RGS3: variants seen among roughly 807,000 people sequenced by gnomAD.
RGS3 encodes regulator of G protein signaling 3, also known as regulator of G-protein signalling 3.
In RGS3, 80 loss-of-function variants were observed where a neutral mutation model predicts 132.6. The ratio of observed to expected loss-of-function variants is 0.60; its 90% CI spans 0.50 to 0.73. RGS3 has a LOEUF of 0.73. RGS3 is among the 30% of genes least tolerant of loss of function. The probability of loss-of-function intolerance (pLI) is 0.00; values close to 1 mark genes in which losing one functional copy is unlikely to be tolerated. For synonymous variants in RGS3, 598 were observed against 620.6 expected (o/e 0.96, Z 0.54); for missense variants, 1,382 against 1,530.8 (o/e 0.90, Z 1.62).
Position 113,507,362 on chromosome 9 carries a change from CCTG to C in RGS3, c.1163_1165del (p.Leu388del). 1 of 1,613,974 alleles carries C rather than the reference CCTG, an allele frequency of 6.2e-7. No homozygotes were observed. The highest frequency in any genetic ancestry group is 1.1e-5 in the South Asian group (1 of 91,076). On this transcript the variant is annotated inframe_deletion, in exon 13 of 25. Transcript: ENST00000350696. This position sits in a 1 kb window ranked among gnomAD's most constrained non-coding sequence, Gnocchi z 5.0. ...TCAAGCCAGGACCAGATGGCGGGGTCCTGCGGCGGGCCTCCTGCAAGTCGACAC... is the reference window on the plus strand; with the variant it reads ...TCAAGCCAGGACCAGATGGCGGGGTCCGGCGGGCCTCCTGCAAGTCGACAC...
chr9:113,506,375 T>A lies in RGS3; in HGVS notation c.980-13T>A. 6.4e-7 allele frequency: 1 copy of A among 1,567,624 alleles called. No homozygotes were observed. The highest frequency in any genetic ancestry group is 8.7e-7 in the Non-Finnish European group (1 of 1,154,302). ...TTCAGGGGCCCCTGAATGGCTTTTC[T>A]TTGTCCCTGCAGGGGGTCCGGCGGA... On this transcript the variant is annotated splice_polypyrimidine_tract_variant and intron_variant, in intron 11 of 24. Transcript: ENST00000350696. This position sits in a 1 kb window ranked among gnomAD's most constrained non-coding sequence, Gnocchi z 4.7.
In RGS3 at chr9:113,481,817, C is replaced by T. The variant is rs370587236; in HGVS notation, c.467-1242C>T. Reference sequence around the variant, plus strand: ...ATCCCAGCACTTTGGGAGGCTGAGGCGGGCCAATCACCTGAGGTCGGGAGT... The same window carrying T: ...ATCCCAGCACTTTGGGAGGCTGAGGTGGGCCAATCACCTGAGGTCGGGAGT... On this transcript the variant is annotated intron_variant, in intron 4 of 24. Transcript: ENST00000350696. Among the ~76,000 whole-genome samples the T allele has an allele frequency of 1.1e-4, 17 of 152,258 alleles. No homozygotes were observed. In the East Asian group the frequency reaches 1.4e-3, roughly 12 times the overall value.
rs558745280 is a variant in RGS3, at chr9:113,501,688, G to A, written c.897+3608G>A. 2.4e-4 allele frequency: 358 copies of A among 1,486,810 alleles called. 6 individuals are homozygous for A. In the South Asian group the frequency reaches 4.0e-3, roughly 17 times the overall value. The allele number at this position is 1,486,810 out of a possible 1,614,324, so 92.1% of individuals were successfully genotyped here. A position where few individuals can be genotyped will look rare whatever the true frequency, so the allele number is the denominator to read the frequency against. On this transcript the variant is annotated intron_variant, in intron 10 of 24. Transcript: ENST00000350696. ...GGGTGTTCAGGGATAGGGGTAGAGGGACCATCTGAGAAGGATCTCGCTCCT... is the reference window on the plus strand; with the variant it reads ...GGGTGTTCAGGGATAGGGGTAGAGGAACCATCTGAGAAGGATCTCGCTCCT...
chr9:113,509,271 C>T (rs527946964), intron 14 of RGS3, among the ~76,000 whole-genome samples: 17 of 150,594 alleles, frequency 1.1e-4, no homozygotes, highest in Admixed American at 5.9e-4. Flanking sequence ...GGTGACAGAG[C>T]GAGACTCTGT....
Position 113,583,431 on chromosome 9 carries a change from T to C in RGS3, c.2038-19T>C. 6.2e-7 allele frequency: 1 copy of C among 1,613,498 alleles called. No individual in the cohort carries two copies. The highest frequency in any genetic ancestry group is 2.2e-5 in the East Asian group (1 of 44,880). On this transcript the variant is annotated intron_variant, in intron 19 of 24. Transcript: ENST00000350696. ...AGCCTCCTCTTCTGAACTGTTCTTG[T>C]TTTCTTTTTGTTTCCCAGATGTTTG...
At chr9:113,569,478 T>G (rs1244826273) in intron 19 of RGS3, among the ~76,000 whole-genome samples, 1 of 152,130 alleles carries the variant, frequency 6.6e-6, no homozygotes, top group East Asian at 1.9e-4. Context: ...CCATGAAATC[T>G]TCACTTCTCA....
chr9:113,591,287 A>G lies in RGS3; in HGVS notation c.3016-46A>G. On this transcript the variant is annotated intron_variant, in intron 20 of 24. Transcript: ENST00000350696. This position sits in a 1 kb window ranked among gnomAD's most constrained non-coding sequence, Gnocchi z 4.4. ...CTGAGCCTCTGTTTACTTAGGCAGGAGTTCCTGGGTGCCCAGACTGCATCG... is the reference window on the plus strand; with the variant it reads ...CTGAGCCTCTGTTTACTTAGGCAGGGGTTCCTGGGTGCCCAGACTGCATCG... 6.4e-7 allele frequency: 1 copy of G among 1,559,306 alleles called. No individual in the cohort carries two copies. The highest frequency in any genetic ancestry group is 8.8e-7 in the Non-Finnish European group (1 of 1,132,162).
At chr9:113,569,919 G>A (rs544567487) in intron 19 of RGS3, among the ~76,000 whole-genome samples, 1 of 152,006 alleles carries the variant, frequency 6.6e-6, no homozygotes, top group East Asian at 1.9e-4. Context: ...TTGAAGAGCA[G>A]GTCTCCATCC....
exon 20 of RGS3, chr9:113,584,342 C>G: frequency 2.5e-6 from 4 of 1,590,274 alleles, no homozygotes; most frequent in Non-Finnish European, 3.4e-6. Context: ...TGGGGCATGC[C>G]TTCGCCCAGC....
At chr9:113,550,478 A>G (rs1833295878) in intron 19 of RGS3, among the ~76,000 whole-genome samples, 1 of 152,212 alleles carries the variant, frequency 6.6e-6, no homozygotes, top group Admixed American at 6.5e-5. Flanking sequence ...TGGATTATTG[A>G]TCCTATTGCC....
At chr9:113,490,013 A>G (rs1830458739) in intron 7 of RGS3, among the ~76,000 whole-genome samples, 1 of 152,180 alleles carries the variant, frequency 6.6e-6, no homozygotes, top group Admixed American at 6.6e-5. Flanking sequence ...AGATGATTTC[A>G]GTTCATCATG....
chr9:113,512,552 G>A (rs1831453930), intron 14 of RGS3, among the ~76,000 whole-genome samples: 1 of 152,128 alleles, frequency 6.6e-6, no homozygotes, highest in South Asian at 2.1e-4. Context: ...GGGGTGGGAG[G>A]AGGAAGCAAG....
At chr9:113,469,422 C>A (rs1304713231) in intron 3 of RGS3, among the ~76,000 whole-genome samples, 2 of 152,154 alleles carry the variant, frequency 1.3e-5, no homozygotes, top group African/African-American at 4.8e-5. Flanking sequence ...ATTCAGAGTC[C>A]AACTGCTCAG....
chr9:113,474,619 A>T (rs1829934507), intron 3 of RGS3, among the ~76,000 whole-genome samples: 1 of 152,122 alleles, frequency 6.6e-6, no homozygotes, highest in South Asian at 2.1e-4. Context: ...ACGGAGGGGA[A>T]ATCTGTGGAT....
At chr9:113,475,897 A>G (rs1022816593) in intron 3 of RGS3, among the ~76,000 whole-genome samples, 6 of 151,694 alleles carry the variant, frequency 4.0e-5, no homozygotes, top group African/African-American at 1.5e-4. Context: ...TAGATTGGAG[A>G]CATTTCTAGG....
rs1269094481 is a variant in RGS3 at position 113,526,062 on chromosome 9, G to T, written c.1870+3021G>T. On this transcript the variant is annotated intron_variant, in intron 17 of 24. Transcript: ENST00000350696. ...TCTCCGGTCAGCCGGGGCCCATTGTGGTCTCTTCCTGCCTCTGCTGCCCGC... is the reference window on the plus strand; with the variant it reads ...TCTCCGGTCAGCCGGGGCCCATTGTTGTCTCTTCCTGCCTCTGCTGCCCGC... Among the ~76,000 whole-genome samples the T allele has an allele frequency of 2.0e-5, 3 of 152,204 alleles. No individual in the cohort carries two copies. In the East Asian group the frequency reaches 5.8e-4, roughly 29 times the overall value.
chr9:113,482,173 G>C (rs1830185435), intron 4 of RGS3, among the ~76,000 whole-genome samples: 1 of 152,008 alleles, frequency 6.6e-6, no homozygotes, highest in South Asian at 2.1e-4. Context: ...CAGGCAAATG[G>C]TGCTGCCTAC....
At chr9:113,556,722 A>T (rs1246333885) in intron 19 of RGS3, among the ~76,000 whole-genome samples, 1 of 152,068 alleles carries the variant, frequency 6.6e-6, no homozygotes, top group Admixed American at 6.6e-5. Context: ...GGGACTCTGT[A>T]ATCAGTGGGG....
chr9:113,462,262 T>A, intron 3 of RGS3: 1 of 1,250,364 alleles, frequency 8.0e-7, no homozygotes. Context: ...TTAAAGGCAG[T>A]GTTCACCATG....
Sources: allele counts gnomAD v4.1 joint callset (sites outside exome capture counted in the v4.1 genomes callset), GRCh38; gene constraint gnomAD v4.1.1; non-coding constraint Gnocchi (gnomAD v3.1); transcripts MANE v1.5; gene names NCBI Gene and HGNC (gene_info 2026-07-23, HGNC 2026-07-21).